PTPRD: variants seen among roughly 807,000 people sequenced by gnomAD.
The protein encoded by PTPRD is protein tyrosine phosphatase receptor type D.
Under a neutral mutation model 214.5 loss-of-function variants are expected in PTPRD, and 34 were observed. That is an observed-to-expected ratio of 0.16 (90% CI 0.12 to 0.21). The LOEUF is 0.21. Among genes scored for constraint, PTPRD ranks in the 10% least tolerant of loss-of-function variants. PTPRD has a pLI of 1.00. For synonymous variants in PTPRD, 1,128 were observed against 845.7 expected, an observed-to-expected ratio of 1.33 and a Z score of -5.79; for missense variants, 2,545 against 2,398.7, an observed-to-expected ratio of 1.06 and a Z score of -1.27.
chr9:8,609,575 A>G (rs2095366001), intron 14 of PTPRD, among the ~76,000 whole-genome samples: 1 of 152,054 alleles, frequency 6.6e-6, no homozygotes, highest in Non-Finnish European at 1.5e-5. Context: ...GCTCATCCAT[A>G]CACAAAAACC....
At chr9:8,705,939 G>A (rs1020876899) in intron 12 of PTPRD, among the ~76,000 whole-genome samples, 3 of 152,054 alleles carry the variant, frequency 2.0e-5, no homozygotes, top group African/African-American at 7.2e-5. Context: ...ACTGTGATTC[G>A]GAGCATTTAG....
intron 7 of PTPRD, among the ~76,000 whole-genome samples, chr9:9,726,875 GA>G (rs2098103738): frequency 6.6e-6 from 1 of 152,118 alleles, no homozygotes; most frequent in Admixed American, 6.6e-5. Context: ...TCTGTATCAA[GA>G]ACACATAATA....
At chr9:9,144,287 A>AGCT (rs1445164444) in intron 10 of PTPRD, among the ~76,000 whole-genome samples, 2 of 152,188 alleles carry the variant, frequency 1.3e-5, no homozygotes, top group African/African-American at 4.8e-5. Context: ...AGTGGTGTTG[A>AGCT]GCTGCTGTGA....
intron 3 of PTPRD, among the ~76,000 whole-genome samples, chr9:10,298,478 T>G (rs899647831): frequency 2.6e-5 from 4 of 152,142 alleles, no homozygotes; most frequent in Non-Finnish European, 5.9e-5. Context: ...TCTTGCAGAC[T>G]GAATTTTAAA....
chr9:9,641,884 C>T (rs187521258), intron 7 of PTPRD, among the ~76,000 whole-genome samples: 244 of 152,166 alleles, frequency 1.6e-3, no homozygotes, highest in Non-Finnish European at 2.9e-3. Flanking sequence ...TTTACTGAGA[C>T]TCCAGAGGAA....
Position 9,171,163 on chromosome 9 carries a change from G to C in PTPRD, c.-143+12141C>G, listed in dbSNP as rs77196852. Among the ~76,000 whole-genome samples, 4 of 152,234 alleles carry C rather than the reference G, an allele frequency of 2.6e-5. No individual in the cohort carries two copies. The South Asian group carries it at 8.3e-4, about 32-fold the overall frequency. Reference sequence around the variant, plus strand: ...CTTTAAGGAAGAACATAAAAGGGTTGAGTGTGCTTATCATTGATTCTTGTG... The same window carrying C: ...CTTTAAGGAAGAACATAAAAGGGTTCAGTGTGCTTATCATTGATTCTTGTG... On this transcript the variant is annotated intron_variant, in intron 10 of 45. Transcript: ENST00000381196.
chr9:10,522,640 T>C (rs2052730644), intron 2 of PTPRD, among the ~76,000 whole-genome samples: 1 of 152,172 alleles, frequency 6.6e-6, no homozygotes, highest in Admixed American at 6.6e-5. Flanking sequence ...TGTGACCTAC[T>C]GGGAAGGGTA....
intron 8 of PTPRD, among the ~76,000 whole-genome samples, chr9:9,445,188 T>G (rs950523862): frequency 6.6e-6 from 1 of 152,182 alleles, no homozygotes; most frequent in Admixed American, 6.5e-5. Flanking sequence ...TAGGTCAAAC[T>G]GTAGCCCATT....
At chr9:9,062,319 C>T (rs1034817895) in intron 10 of PTPRD, among the ~76,000 whole-genome samples, 4 of 152,086 alleles carry the variant, frequency 2.6e-5, no homozygotes, top group African/African-American at 4.8e-5. Flanking sequence ...TGCATGGACA[C>T]GACTAATTAG....
intron 9 of PTPRD, among the ~76,000 whole-genome samples, chr9:9,323,536 C>A (rs1967826169): frequency 6.6e-6 from 1 of 152,106 alleles, no homozygotes; most frequent in Non-Finnish European, 1.5e-5. Flanking sequence ...AAGAATTTTT[C>A]TAACATTGTT....
intron 8 of PTPRD, among the ~76,000 whole-genome samples, chr9:9,525,968 T>C (rs1057405782): frequency 6.6e-6 from 1 of 152,204 alleles, no homozygotes; most frequent in African/African-American, 2.4e-5. Flanking sequence ...ACCATCATTG[T>C]TTCTCTTCAC....
intron 2 of PTPRD, among the ~76,000 whole-genome samples, chr9:10,405,647 A>G (rs571276189): frequency 1.3e-4 from 19 of 151,744 alleles, no homozygotes; most frequent in African/African-American, 4.6e-4. Context: ...AAGTGTATGT[A>G]CAGAAATTTT....
In PTPRD at chr9:8,876,258, G is replaced by C. The variant is rs141541866; in HGVS notation, c.-103-142312C>G. 6.1e-3 allele frequency among the ~76,000 whole-genome samples: 861 copies of C among 141,138 alleles called. 2 individuals carry two copies. Among genetic ancestry groups the C allele is most frequent in the Non-Finnish European group, 0.011 (706 of 64,140 alleles). The allele number at this position is 141,138 out of a possible 152,430, so 92.6% of individuals were successfully genotyped here. On this transcript the variant is annotated intron_variant, in intron 11 of 45. Coordinates refer to ENST00000381196, the MANE Select transcript of PTPRD (RefSeq NM_002839.4). ...TTGTTGTTGTTTAAACAGCTCATGAGACATAGCTGTAAAAATTTACTCAGA... is the reference window on the plus strand; with the variant it reads ...TTGTTGTTGTTTAAACAGCTCATGACACATAGCTGTAAAAATTTACTCAGA...
At chr9:8,841,948 T>C (rs548012691) in intron 11 of PTPRD, among the ~76,000 whole-genome samples, 2 of 151,448 alleles carry the variant, frequency 1.3e-5, no homozygotes, top group East Asian at 1.9e-4. Context: ...GAAGCAGAGG[T>C]TGCAGTGAGC....
intron 14 of PTPRD, among the ~76,000 whole-genome samples, chr9:8,632,863 C>T (rs1227615052): frequency 6.6e-6 from 1 of 152,030 alleles, no homozygotes; most frequent in East Asian, 1.9e-4. Flanking sequence ...ATTTCTTATA[C>T]TTGGTTCTGA....
chr9:9,872,734 T>C (rs2065826690), intron 5 of PTPRD, among the ~76,000 whole-genome samples: 2 of 152,218 alleles, frequency 1.3e-5, no homozygotes, highest in Non-Finnish European at 1.5e-5. Context: ...GATATCATCA[T>C]GATGGTACAT....
At position 9,352,414 on chromosome 9, in the gene PTPRD, G is replaced by A. The variant is rs117219346; in HGVS notation, c.-203+45035C>T. Among the ~76,000 whole-genome samples the A allele has an allele frequency of 9.9e-3, 1,480 of 149,276 alleles. 9 individuals carry two copies. The highest frequency in any genetic ancestry group is 0.017 in the Non-Finnish European group (1,125 of 67,248). On this transcript the variant is annotated intron_variant, in intron 9 of 45. Coordinates refer to ENST00000381196, the MANE Select transcript of PTPRD (RefSeq NM_002839.4). ...GTATATGTATATATATATCTGTTAT[G>A]TTTTCCCAATAATCAATATTTAATA... is the stretch of plus-strand genomic sequence containing the variant.
At chr9:9,588,247 A>G (rs1028752455) in intron 7 of PTPRD, among the ~76,000 whole-genome samples, 3 of 151,896 alleles carry the variant, frequency 2.0e-5, no homozygotes, top group African/African-American at 7.2e-5. Flanking sequence ...TGGAAGACAG[A>G]AGGGAGAAAA....
intron 3 of PTPRD, among the ~76,000 whole-genome samples, chr9:10,340,506 A>G (rs1173344345): frequency 6.6e-6 from 1 of 151,908 alleles, no homozygotes; most frequent in African/African-American, 2.4e-5. Context: ...TATGATGCCA[A>G]AGGTGAACAT....
Sources: allele counts gnomAD v4.1 joint callset (sites outside exome capture counted in the v4.1 genomes callset), GRCh38; gene constraint gnomAD v4.1.1; transcripts MANE v1.5; gene names NCBI Gene and HGNC (gene_info 2026-07-23, HGNC 2026-07-21).